The following RTF2 variants were observed in gnomAD, a reference collection of about 807,000 sequenced individuals.
RTF2 encodes replication termination factor 2, also known as UPF0549 protein C20orf43.
RTF2 carries 18 observed loss-of-function variants against 38.0 expected under a neutral mutation model. That is an observed-to-expected ratio of 0.47 (90% CI 0.33 to 0.70). The LOEUF (loss-of-function observed/expected upper bound fraction) is 0.70, where lower values mean the gene tolerates loss of function less well. Ranked by LOEUF, RTF2 falls within the 30% of genes least tolerant of loss-of-function variation. The pLI is 0.02. For synonymous variants in RTF2, 126 were observed against 137.1 expected (o/e 0.92, Z 0.57); for missense variants, 311 against 379.6 (o/e 0.82, Z 1.50).
intron 5 of RTF2, among the ~76,000 whole-genome samples, chr20:56,488,185 AC>A (rs1175680935): frequency 2.0e-5 from 3 of 151,754 alleles, no homozygotes; most frequent in Non-Finnish European, 4.4e-5. Context: ...ACATAATGAA[AC>A]CCCGTCTCTA....
intron 6 of RTF2, 38 bp downstream of exon 6, chr20:56,513,466 C>T (rs1568712525): frequency 6.4e-7 from 1 of 1,554,842 alleles, no homozygotes. Flanking sequence ...GCCCCCATCT[C>T]TGCTCCAGAG....
rs766620502 is a variant in RTF2 at position 56,516,988 on chromosome 20, A to G, written c.645A>G (p.Glu215=). 6.2e-7 allele frequency: 1 copy of G among 1,613,874 alleles called. No individual in the cohort carries two copies. Among genetic ancestry groups the G allele is most frequent in the East Asian group, 2.2e-5 (1 of 44,882 alleles). ...AESVSKPDVS[E]EAPGPSKVKT... is the part of the protein sequence containing the mutation. ...CTGTTTCAAAACCAGATGTCAGTGA[A>G]GGTAAGATCCTTCAAGAGATCCTTA... The change falls in exon 7 of 9, where the codon GAA becomes GAG. Residue 215 remains glutamate, a splice_region_variant and synonymous_variant. Transcript: ENST00000357348.
intron 5 of RTF2, among the ~76,000 whole-genome samples, chr20:56,494,388 C>T (rs1424761495): frequency 1.3e-5 from 2 of 152,042 alleles, no homozygotes; most frequent in Non-Finnish European, 2.9e-5. Context: ...CCCTTTATGA[C>T]TTCTTATACC....
chr20:56,517,966 C>T, intron 8 of RTF2, 121 bp from the exon 9 acceptor site: 1 of 959,708 alleles, frequency 1.0e-6, no homozygotes, highest in Non-Finnish European at 1.6e-6. Flanking sequence ...TCCGCCAGCA[C>T]TCACACAGCC....
At chr20:56,496,496 C>T (rs1444803134) in intron 5 of RTF2, 3 of 868,514 alleles carry the variant, frequency 3.5e-6, no homozygotes, top group African/African-American at 1.7e-5. Context: ...TGCAGTGAGC[C>T]GAGATCGCGC....
intron 5 of RTF2, among the ~76,000 whole-genome samples, chr20:56,487,635 C>A (rs1018301984): frequency 6.6e-6 from 1 of 152,242 alleles, no homozygotes; most frequent in East Asian, 1.9e-4. Flanking sequence ...CTTTGCAGAA[C>A]TGTGTTGAAT....
At chr20:56,506,868 T>C (rs1047587610) in intron 5 of RTF2, among the ~76,000 whole-genome samples, 1 of 152,052 alleles carries the variant, frequency 6.6e-6, no homozygotes, top group African/African-American at 2.4e-5. Flanking sequence ...GCCCGACTAA[T>C]TTTTTGTATT....
At position 56,477,064 on chromosome 20, in the gene RTF2, A is replaced by C. The variant is rs1321380274; in HGVS notation, c.338A>C (p.Asp113Ala). ...KGNTKGDKHD[D>A]LQRARFICPV... ...AACACTAAAGGTGACAAGCACGATGACCTCCAGCGGGCGCGTTTCATCTGC... is the reference window on the plus strand; with the variant it reads ...AACACTAAAGGTGACAAGCACGATGCCCTCCAGCGGGCGCGTTTCATCTGC... The change falls in exon 4 of 9, where the codon GAC becomes GCC. Residue 113 changes from aspartate to alanine, a missense_variant. Asp to Ala is a moderately radical substitution (Grantham distance 126). Coordinates refer to ENST00000357348, the MANE Select transcript of RTF2 (RefSeq NM_016407.5). 1 of 1,613,932 alleles carries C rather than the reference A, an allele frequency of 6.2e-7. No individual in the cohort carries two copies. Among genetic ancestry groups the C allele is most frequent in the South Asian group, 1.1e-5 (1 of 91,050 alleles).
intron 5 of RTF2, among the ~76,000 whole-genome samples, chr20:56,503,502 T>G (rs905434750): frequency 2.0e-5 from 3 of 152,224 alleles, no homozygotes; most frequent in African/African-American, 4.8e-5. Context: ...AAAAATCTAG[T>G]TGATGCCATA....
At chr20:56,474,935 C>G (rs1982161527) in intron 3 of RTF2, among the ~76,000 whole-genome samples, 164 bp downstream of exon 3, 1 of 152,206 alleles carries the variant, frequency 6.6e-6, no homozygotes, top group Non-Finnish European at 1.5e-5. Context: ...AATCTCAAGC[C>G]ACGAGTTCCA....
At chr20:56,496,862 G>A (rs1018148174) in intron 5 of RTF2, 25 of 1,551,734 alleles carry the variant, frequency 1.6e-5, no homozygotes, top group African/African-American at 1.2e-4. Flanking sequence ...GAACGAATTC[G>A]AGATGACTTT....
At chr20:56,471,244 G>GT (rs1371405950) in intron 1 of RTF2, among the ~76,000 whole-genome samples, 1 of 152,216 alleles carries the variant, frequency 6.6e-6, no homozygotes, top group African/African-American at 2.4e-5. Context: ...TGTTCTGGAA[G>GT]TATTGAGTGT....
intron 5 of RTF2, among the ~76,000 whole-genome samples, chr20:56,504,997 G>A (rs547963159): frequency 2.0e-5 from 3 of 152,300 alleles, no homozygotes; most frequent in East Asian, 1.9e-4. Flanking sequence ...CAGGGGTTGT[G>A]GCATTCATGT....
intron 5 of RTF2, among the ~76,000 whole-genome samples, chr20:56,484,627 GA>G (rs1982691829): frequency 6.6e-6 from 1 of 152,216 alleles, no homozygotes; most frequent in South Asian, 2.1e-4. Context: ...TTGAGGGTAG[GA>G]AACAAGGCTT....
chr20:56,494,177 T>A (rs11907595), intron 5 of RTF2, among the ~76,000 whole-genome samples: 3,594 of 152,308 alleles, frequency 0.024, 149 homozygotes, highest in African/African-American at 0.081. Context: ...ATGCTGGCCA[T>A]GGATGGCCAC....
At chr20:56,491,782 G>A in intron 5 of RTF2, 1 of 1,548,846 alleles carries the variant, frequency 6.5e-7, no homozygotes, top group Non-Finnish European at 8.7e-7. Flanking sequence ...CGACGTAGCG[G>A]CCTGCAGAAA....
chr20:56,497,416 A>C (rs6024911), intron 5 of RTF2: 3 of 1,548,152 alleles, frequency 1.9e-6, no homozygotes, highest in Non-Finnish European at 1.7e-6. Flanking sequence ...TTTGCAATTT[A>C]GGGGGCCGCC....
intron 5 of RTF2, among the ~76,000 whole-genome samples, chr20:56,492,880 TA>T (rs11478442): frequency 0.44 from 66,422 of 151,610 alleles, 14,749 homozygotes; most frequent in Non-Finnish European, 0.45. Flanking sequence ...ATCCTACTTT[TA>T]AAAAAACGTA....
intron 5 of RTF2, chr20:56,495,238 T>C: frequency 1.3e-6 from 2 of 1,551,678 alleles, no homozygotes; most frequent in Non-Finnish European, 1.7e-6. Context: ...TCCTCACTTT[T>C]CCGCTTAATG....
Sources: gnomAD v4.1 joint callset for allele counts (sites outside exome capture counted in the v4.1 genomes callset) on GRCh38, gnomAD v4.1.1 for gene constraint, MANE v1.5 for transcripts, NCBI Gene and HGNC (gene_info 2026-07-23, HGNC 2026-07-21) for gene names.